RALYL: variants seen among roughly 807,000 people sequenced by gnomAD.
The protein encoded by RALYL is RALY RNA binding protein like.
In RALYL, 29 loss-of-function variants were observed where a neutral mutation model predicts 35.1. The observed-to-expected ratio is 0.83, with a 90% CI of 0.61 to 1.13. The LOEUF (loss-of-function observed/expected upper bound fraction) is 1.13, where lower values mean the gene tolerates loss of function less well. RALYL is among the 50% of genes most tolerant of loss of function. The pLI is 0.00. For synonymous variants in RALYL, 120 were observed against 127.6 expected, an observed-to-expected ratio of 0.94 and a Z score of 0.40; for missense variants, 359 against 360.4, an observed-to-expected ratio of 1.00 and a Z score of 0.03.
intron 2 of RALYL, among the ~76,000 whole-genome samples, chr8:84,693,678 G>A (rs1385022274): frequency 6.6e-6 from 1 of 151,804 alleles, no homozygotes; most frequent in Non-Finnish European, 1.5e-5. Flanking sequence ...AAAATTACAG[G>A]CTGATATTCC....
intron 4 of RALYL, among the ~76,000 whole-genome samples, chr8:84,813,584 C>CTATG (rs1826412420): frequency 6.6e-6 from 1 of 152,112 alleles, no homozygotes; most frequent in South Asian, 2.1e-4. Context: ...AATTTTAATT[C>CTATG]TATGTTCAAT....
At chr8:84,310,672 A>G (rs1842593508) in intron 1 of RALYL, among the ~76,000 whole-genome samples, 1 of 152,316 alleles carries the variant, frequency 6.6e-6, no homozygotes, top group African/African-American at 2.4e-5. Flanking sequence ...GAGAAAACAT[A>G]GTTATCTGTG....
chr8:84,403,351 G>C (rs1038710872), intron 1 of RALYL, among the ~76,000 whole-genome samples: 3 of 151,978 alleles, frequency 2.0e-5, no homozygotes, highest in Non-Finnish European at 4.4e-5. Flanking sequence ...TGTAAGGAAA[G>C]GGTCCAGTTT....
intron 4 of RALYL, among the ~76,000 whole-genome samples, chr8:84,837,269 C>A (rs893548982): frequency 7.2e-5 from 11 of 152,132 alleles, no homozygotes; most frequent in Non-Finnish European, 1.0e-4. Context: ...ATTCACAACT[C>A]CTAGTATTGC....
intron 1 of RALYL, among the ~76,000 whole-genome samples, chr8:84,271,423 G>A (rs1220747042): frequency 6.7e-6 from 1 of 149,940 alleles, no homozygotes; most frequent in East Asian, 1.9e-4. Context: ...CCCTCATGCA[G>A]TATTGGGGAT....
intron 2 of RALYL, 77 bp downstream of exon 2, chr8:84,529,654 C>T: frequency 2.2e-6 from 3 of 1,345,838 alleles, no homozygotes; most frequent in South Asian, 3.0e-5. Context: ...AAACCCAACA[C>T]CACTGTTGTT....
At chr8:84,488,281 A>G (rs2054870819) in intron 1 of RALYL, among the ~76,000 whole-genome samples, 1 of 152,100 alleles carries the variant, frequency 6.6e-6, no homozygotes. Flanking sequence ...AATTAATTGC[A>G]TGAGTTATCC....
At chr8:84,878,557 AAG>A (rs1366616712) in intron 7 of RALYL, among the ~76,000 whole-genome samples, 1 of 152,050 alleles carries the variant, frequency 6.6e-6, no homozygotes, top group African/African-American at 2.4e-5. Flanking sequence ...CCAAAAAAAA[AAG>A]AAGTCAGAGG....
At chr8:84,561,408 G>A (rs539595165) in intron 2 of RALYL, among the ~76,000 whole-genome samples, 1 of 151,988 alleles carries the variant, frequency 6.6e-6, no homozygotes, top group East Asian at 1.9e-4. Context: ...GTTTAAAAAT[G>A]AGGTCCGGTA....
At chr8:84,649,266 C>A (rs1176905682) in intron 2 of RALYL, among the ~76,000 whole-genome samples, 1 of 152,066 alleles carries the variant, frequency 6.6e-6, no homozygotes, top group Non-Finnish European at 1.5e-5. Flanking sequence ...TTTTGCTGTG[C>A]AGAAGCTCTT....
intron 1 of RALYL, among the ~76,000 whole-genome samples, chr8:84,307,344 A>T (rs1181909372): frequency 6.6e-6 from 1 of 152,170 alleles, no homozygotes; most frequent in African/African-American, 2.4e-5. Flanking sequence ...GAAAACACAA[A>T]CAATGGATCT....
chr8:84,607,282 T>C (rs1817352711), intron 2 of RALYL, among the ~76,000 whole-genome samples: 1 of 152,032 alleles, frequency 6.6e-6, no homozygotes. Context: ...TTTGACCCTC[T>C]CTGGCCAAAG....
intron 7 of RALYL, among the ~76,000 whole-genome samples, chr8:84,886,992 G>A (rs1159327193): frequency 6.6e-6 from 1 of 152,158 alleles, no homozygotes; most frequent in Non-Finnish European, 1.5e-5. Flanking sequence ...AACCCAGGTT[G>A]TCTGACCCCA....
chr8:84,650,090 A>T (rs908722463), intron 2 of RALYL, among the ~76,000 whole-genome samples: 8 of 151,948 alleles, frequency 5.3e-5, no homozygotes, highest in African/African-American at 1.9e-4. Flanking sequence ...TTTTTCTGTT[A>T]TTGGTGTATA....
chr8:84,706,882 TAC>T (rs933160287), intron 2 of RALYL, among the ~76,000 whole-genome samples: 5 of 152,286 alleles, frequency 3.3e-5, no homozygotes, highest in African/African-American at 1.2e-4. Context: ...AAGTAAATAA[TAC>T]CATATTTAGC....
intron 1 of RALYL, among the ~76,000 whole-genome samples, chr8:84,360,095 A>T (rs975053176): frequency 6.6e-6 from 1 of 152,126 alleles, no homozygotes; most frequent in Non-Finnish European, 1.5e-5. Flanking sequence ...CTGGTCTTGA[A>T]TTCATGGCCT....
intron 1 of RALYL, among the ~76,000 whole-genome samples, chr8:84,447,060 G>T (rs1049582804): frequency 2.6e-5 from 4 of 151,944 alleles, no homozygotes; most frequent in Non-Finnish European, 4.4e-5. Context: ...TCCACCCCAG[G>T]TCCCATCAGT....
At chr8:84,747,370 AT>A (rs528500025) in intron 2 of RALYL, among the ~76,000 whole-genome samples, 1 of 152,056 alleles carries the variant, frequency 6.6e-6, no homozygotes, top group Non-Finnish European at 1.5e-5. Flanking sequence ...CAATTTATAC[AT>A]TAGGTAATTG....
intron 1 of RALYL, among the ~76,000 whole-genome samples, chr8:84,448,279 A>G (rs533703274): frequency 3.3e-5 from 5 of 152,080 alleles, no homozygotes; most frequent in South Asian, 4.1e-4. Context: ...ACAAGCATGA[A>G]TGAGTCTATG....
Sources: allele counts gnomAD v4.1 joint callset (sites outside exome capture counted in the v4.1 genomes callset), GRCh38; gene constraint gnomAD v4.1.1; transcripts MANE v1.5; gene names NCBI Gene and HGNC (gene_info 2026-07-23, HGNC 2026-07-21).